Variants in SLC13A4 observed in about 807,000 individuals in gnomAD.
The protein encoded by SLC13A4 is solute carrier family 13 member 4.
Under a neutral mutation model 72.7 loss-of-function variants are expected in SLC13A4, and 28 were observed. The observed-to-expected ratio is 0.39, with a 90% CI of 0.29 to 0.53. SLC13A4 has a LOEUF of 0.53. SLC13A4 is among the 20% of genes least tolerant of loss of function. The pLI, the probability that SLC13A4 is intolerant of heterozygous loss-of-function variation, is 0.78. For missense variants in SLC13A4, 653 were observed against 788.0 expected (o/e 0.83, Z 2.05); for synonymous variants, 312 against 325.5 (o/e 0.96, Z 0.45).
Position 135,684,042 on chromosome 7 carries a change from A to C in SLC13A4, c.1746+82T>G. ...CAGGCCAGGGACACTGCTACAAAATAAGCTTTGAAAGAAGGCTGCAGAGCT... is the reference window on the plus strand; with the variant it reads ...CAGGCCAGGGACACTGCTACAAAATCAGCTTTGAAAGAAGGCTGCAGAGCT... On this transcript the variant is annotated intron_variant, in intron 15 of 15. Transcript: ENST00000682651. 6 of 1,444,062 alleles carry C rather than the reference A, an allele frequency of 4.2e-6. No individual in the cohort carries two copies. The South Asian group carries it at 7.4e-5, about 18-fold the overall frequency. The allele number at this position is 1,444,062 out of a possible 1,614,324, so 89.5% of individuals were successfully genotyped here.
Position 135,699,462 on chromosome 7 carries a change from C to T in SLC13A4, c.801G>A (p.Lys267=), listed in dbSNP as rs2129494394. ...AGTAGGATATGCTCAGGGAGAGGCACTTGCAGATCATCTGGTCATGGTGGG... is the reference window on the plus strand; with the variant it reads ...AGTAGGATATGCTCAGGGAGAGGCATTTGCAGATCATCTGGTCATGGTGGG... ...YRSHHDQMIC[K]CLSLSISYSA... The change falls in exon 8 of 16, where the codon AAG becomes AAA. Residue 267 remains lysine (K), a synonymous_variant. Transcript: ENST00000682651. 2 of 1,613,300 alleles carry T rather than the reference C, an allele frequency of 1.2e-6. No individual in the cohort carries two copies. The highest frequency in any genetic ancestry group is 1.7e-6 in the Non-Finnish European group (2 of 1,179,680).
chr7:135,691,337 A>G lies in SLC13A4; in HGVS notation c.1322-12T>C. ...CTCCTGGTTCTCTCCTGGATTAGAG[A>G]GAGATGTAAAGCCAGATAAACCCTG... On this transcript the variant is annotated splice_polypyrimidine_tract_variant and intron_variant, in intron 12 of 15. Transcript: ENST00000682651. The G allele has an allele frequency of 1.9e-6, 3 of 1,587,386 alleles. No individual in the cohort carries two copies. Among genetic ancestry groups the G allele is most frequent in the Non-Finnish European group, 2.6e-6 (3 of 1,163,958 alleles).
chr7:135,718,847 G>C (rs1188267707), intron 2 of SLC13A4, among the ~76,000 whole-genome samples: 2 of 152,124 alleles, frequency 1.3e-5, no homozygotes, highest in African/African-American at 4.8e-5. Flanking sequence ...GTGTCATAGT[G>C]GTGCATAGGT....
At chr7:135,716,751 C>T (rs534925752) in intron 2 of SLC13A4, among the ~76,000 whole-genome samples, 19 of 152,334 alleles carry the variant, frequency 1.2e-4, no homozygotes, top group African/African-American at 4.3e-4. Context: ...AAGTAAGTTA[C>T]TTAACCTCTC....
chr7:135,705,307 T>C (rs547266024), intron 5 of SLC13A4: 3 of 350,956 alleles, frequency 8.5e-6, no homozygotes, highest in Non-Finnish European at 5.2e-6. Context: ...TTCTGCATGG[T>C]GGCTGTGTGG....
At chr7:135,702,679 G>T in intron 6 of SLC13A4, 166 bp downstream of exon 6, 1 of 674,580 alleles carries the variant, frequency 1.5e-6, no homozygotes, top group East Asian at 2.7e-5. Flanking sequence ...CCCAGCCAAT[G>T]TGTCCTTTTT....
Position 135,706,073 on chromosome 7 carries a change from G to A in SLC13A4, c.538+55C>T, listed in dbSNP as rs1796153664. The stretch of plus-strand genomic sequence containing the variant: ...GTCTCCCTAGAGGAGCCAGGCAGGA[G>A]GACCCCAGGGGAGGTTGGAGGAGCA... On this transcript the variant is annotated intron_variant, in intron 4 of 15. Coordinates refer to ENST00000682651, the MANE Select transcript of SLC13A4 (RefSeq NM_001318192.2). 4.7e-6 allele frequency: 7 copies of A among 1,503,950 alleles called. No homozygotes were observed. In the Admixed American group the frequency reaches 9.4e-5, roughly 20 times the overall value. 93.2% of individuals were successfully genotyped at this position (1,503,950 alleles called of 1,614,324 possible).
chr7:135,686,135 A>G (rs1465237266), intron 13 of SLC13A4, among the ~76,000 whole-genome samples: 1 of 152,258 alleles, frequency 6.6e-6, no homozygotes, highest in South Asian at 2.1e-4. Context: ...TACCTAAAAA[A>G]GGGAAAAATT....
At chr7:135,693,190 T>C (rs1241509371) in intron 10 of SLC13A4, 2 of 147,534 alleles carry the variant, frequency 1.4e-5, no homozygotes, top group Non-Finnish European at 3.0e-5. Flanking sequence ...TATTAAAAAA[T>C]GGAAGCATCC....
intron 2 of SLC13A4, among the ~76,000 whole-genome samples, chr7:135,717,030 A>G (rs943554172): frequency 3.3e-5 from 5 of 152,186 alleles, no homozygotes; most frequent in African/African-American, 1.2e-4. Flanking sequence ...TCCTGTCCGC[A>G]TGTCTCATTC....
rs548327272 is a variant in SLC13A4, at chr7:135,683,168, G to A, written c.1746+956C>T. Among the ~76,000 whole-genome samples the A allele has an allele frequency of 5.9e-5, 9 of 151,596 alleles. No homozygotes were observed. The South Asian group carries it at 6.3e-4, about 11-fold the overall frequency. On this transcript the variant is annotated intron_variant, in intron 15 of 15. Coordinates refer to ENST00000682651, the MANE Select transcript of SLC13A4 (RefSeq NM_001318192.2). ...ACAAAAATTAGCTGGGCATGGAGGC[G>A]CACACCTGTAGTCCAAGGTACTCTG... is the stretch of plus-strand genomic sequence containing the variant.
chr7:135,719,035 GCC>G (rs1796488543), intron 2 of SLC13A4, among the ~76,000 whole-genome samples: 1 of 152,218 alleles, frequency 6.6e-6, no homozygotes, highest in Non-Finnish European at 1.5e-5. Context: ...ATCAGCCAAA[GCC>G]ACGTCATCAG....
chr7:135,709,675 T>A (rs879689408), intron 2 of SLC13A4, among the ~76,000 whole-genome samples: 5 of 152,220 alleles, frequency 3.3e-5, no homozygotes, highest in Admixed American at 2.6e-4. Flanking sequence ...ACCAAATCTT[T>A]GTTGATTCTC....
In SLC13A4 at chr7:135,681,694, C is replaced by T; in HGVS notation, c.1753G>A (p.Ala585Thr). ...GHCQIKDMVK[A>T]GLGVNVIGLV... ...CCAATAACGTTGACTCCCAGGCCAG[C>T]TTTCACCTGCAGGACACAAACCAGC... The change falls in exon 16 of 16, where the codon GCT (alanine) becomes ACT (threonine). Residue 585 changes from alanine to threonine, a missense_variant. Transcript: ENST00000682651. 2 of 1,612,844 alleles carry T rather than the reference C, an allele frequency of 1.2e-6. No homozygotes were observed. The highest frequency in any genetic ancestry group is 1.7e-6 in the Non-Finnish European group (2 of 1,179,328).
At chr7:135,707,854 A>C in intron 3 of SLC13A4, 1 of 364,776 alleles carries the variant, frequency 2.7e-6, no homozygotes, top group Non-Finnish European at 4.9e-6. Flanking sequence ...GGGCCCCTAT[A>C]TGTTGTAAGC....
chr7:135,726,062 C>T (rs3112367), intron 1 of SLC13A4, among the ~76,000 whole-genome samples: 27,501 of 152,050 alleles, frequency 0.18, 2,769 homozygotes, highest in Admixed American at 0.3. Flanking sequence ...TGGCCAAGGT[C>T]CCCAAAGATG....
intron 8 of SLC13A4, 107 bp downstream of exon 8, chr7:135,699,257 A>G: frequency 8.7e-7 from 1 of 1,154,308 alleles, no homozygotes; most frequent in Non-Finnish European, 1.2e-6. Flanking sequence ...CCCTCTTTCT[A>G]CGGAAACTCT....
chr7:135,711,557 G>A (rs1486853372), intron 2 of SLC13A4, among the ~76,000 whole-genome samples: 1 of 152,180 alleles, frequency 6.6e-6, no homozygotes, highest in East Asian at 1.9e-4. Flanking sequence ...TGAGGAAACT[G>A]GGGGTTTAGG....
intron 15 of SLC13A4, among the ~76,000 whole-genome samples, chr7:135,682,130 GTTACCTT>G (rs1268216141): frequency 1.3e-5 from 2 of 152,194 alleles, no homozygotes; most frequent in Admixed American, 1.3e-4. Flanking sequence ...CTTTGCTACT[GTTACCTT>G]TTTTTAAGGA....
Sources: allele counts gnomAD v4.1 joint callset (sites outside exome capture counted in the v4.1 genomes callset), GRCh38; gene constraint gnomAD v4.1.1; transcripts MANE v1.5; gene names NCBI Gene and HGNC (gene_info 2026-07-23, HGNC 2026-07-21).